The following CNTNAP5 variants were observed in gnomAD, a reference collection of about 807,000 sequenced individuals.
CNTNAP5 encodes the protein contactin associated protein family member 5.
Under a neutral mutation model 150.2 loss-of-function variants are expected in CNTNAP5, and 72 were observed. The observed-to-expected ratio is 0.48, with a 90% CI of 0.40 to 0.58. The LOEUF is 0.58. Among genes scored for constraint, CNTNAP5 ranks in the 20% least tolerant of loss-of-function variants. The pLI, the probability that CNTNAP5 is intolerant of heterozygous loss-of-function variation, is 0.00. For missense variants in CNTNAP5, 1,636 were observed against 1,626.2 expected (o/e 1.01, Z -0.10); for synonymous variants, 672 against 619.8 (o/e 1.08, Z -1.25).
chr2:124,617,777 C>A (rs938643399), intron 12 of CNTNAP5, among the ~76,000 whole-genome samples: 1 of 152,070 alleles, frequency 6.6e-6, no homozygotes, highest in African/African-American at 2.4e-5. Flanking sequence ...GACACAGCAG[C>A]AATTAACGTA....
intron 10 of CNTNAP5, among the ~76,000 whole-genome samples, chr2:124,546,120 A>G (rs1267668663): frequency 6.6e-6 from 1 of 152,054 alleles, no homozygotes; most frequent in African/African-American, 2.4e-5. Flanking sequence ...CCCCAGTTGG[A>G]TAAAAGACTG....
intron 18 of CNTNAP5, among the ~76,000 whole-genome samples, chr2:124,790,586 C>T (rs60326687): frequency 6.6e-6 from 1 of 152,152 alleles, no homozygotes; most frequent in Non-Finnish European, 1.5e-5. Flanking sequence ...TTAGTAAACA[C>T]AGTACCGTGT....
At chr2:124,554,547 A>T (rs1695708494) in intron 10 of CNTNAP5, among the ~76,000 whole-genome samples, 1 of 151,856 alleles carries the variant, frequency 6.6e-6, no homozygotes, top group African/African-American at 2.4e-5. Flanking sequence ...CAGCTTCTCA[A>T]GTAGCTAGGA....
At chr2:124,754,052 T>A (rs956026111) in intron 14 of CNTNAP5, among the ~76,000 whole-genome samples, 1 of 152,122 alleles carries the variant, frequency 6.6e-6, no homozygotes, top group African/African-American at 2.4e-5. Flanking sequence ...CTCCTAGTGG[T>A]GTCGAATTTT....
chr2:124,539,504 G>A (rs976254015), intron 10 of CNTNAP5, among the ~76,000 whole-genome samples: 1 of 152,202 alleles, frequency 6.6e-6, no homozygotes, highest in African/African-American at 2.4e-5. Flanking sequence ...GAAAGCCTGT[G>A]CTGTTCATAT....
At chr2:124,336,175 A>C (rs1356010829) in intron 3 of CNTNAP5, among the ~76,000 whole-genome samples, 1 of 152,130 alleles carries the variant, frequency 6.6e-6, no homozygotes, top group Non-Finnish European at 1.5e-5. Context: ...AGTACAGATA[A>C]TAGCTTGGAC....
chr2:124,357,660 A>G (rs1383216098), intron 3 of CNTNAP5, among the ~76,000 whole-genome samples: 17 of 139,882 alleles, frequency 1.2e-4, no homozygotes, highest in Admixed American at 9.3e-4. Context: ...TGTTCCATTG[A>G]TCTATATCTC....
At chr2:124,246,395 C>T (rs557990744) in intron 3 of CNTNAP5, among the ~76,000 whole-genome samples, 53 of 152,212 alleles carry the variant, frequency 3.5e-4, no homozygotes, top group African/African-American at 1.1e-3. Context: ...CAGAGTCCCT[C>T]GCTTCACTAA....
intron 2 of CNTNAP5, among the ~76,000 whole-genome samples, chr2:124,231,792 C>T (rs868529611): frequency 6.6e-6 from 1 of 152,012 alleles, no homozygotes; most frequent in Admixed American, 6.6e-5. Flanking sequence ...TTAACAGGAG[C>T]CTTGGGACCC....
At chr2:124,423,960 G>A (rs969910155) in intron 4 of CNTNAP5, among the ~76,000 whole-genome samples, 12 of 151,966 alleles carry the variant, frequency 7.9e-5, no homozygotes, top group African/African-American at 2.7e-4. Flanking sequence ...CACCGCGCCC[G>A]GCCCGGCTAA....
chr2:124,686,909 C>T lies in CNTNAP5; in HGVS notation c.2077+38951C>T, dbSNP rs964582481. 1.3e-5 allele frequency among the ~76,000 whole-genome samples: 2 copies of T among 152,124 alleles called. 1 individual carries two copies. Among genetic ancestry groups the T allele is most frequent in the Admixed American group, 1.3e-4 (2 of 15,258 alleles). ...AAAATCCCAAGTAAATTCTATAAAG[C>T]AGCACTGCCCAATAGAACTTCCTGA... is the stretch of plus-strand genomic sequence containing the variant. On this transcript the variant is annotated intron_variant, in intron 13 of 23. Coordinates refer to ENST00000682447, the MANE Select transcript of CNTNAP5 (RefSeq NM_001367498.1).
intron 11 of CNTNAP5, among the ~76,000 whole-genome samples, chr2:124,601,575 C>A (rs774909668): frequency 2.0e-5 from 3 of 152,170 alleles, no homozygotes; most frequent in South Asian, 2.1e-4. Flanking sequence ...ACAGCCTATA[C>A]GGAGCAAAGA....
intron 19 of CNTNAP5, among the ~76,000 whole-genome samples, chr2:124,857,368 G>A (rs1233372094): frequency 1.3e-5 from 2 of 152,150 alleles, no homozygotes; most frequent in Admixed American, 1.3e-4. Context: ...GTTCCAGGCA[G>A]TTGGTGGGAG....
intron 3 of CNTNAP5, among the ~76,000 whole-genome samples, chr2:124,284,346 A>AG (rs1404926548): frequency 6.6e-6 from 1 of 152,158 alleles, no homozygotes; most frequent in Non-Finnish European, 1.5e-5. Context: ...TGTACTTTTT[A>AG]GATGCTCAAT....
In CNTNAP5 at chr2:124,239,289, T is replaced by C. The variant is rs529641950; in HGVS notation, c.188-2911T>C. Among the ~76,000 whole-genome samples, 65 of 152,322 alleles carry C rather than the reference T, an allele frequency of 4.3e-4. 1 individual carries two copies. The highest frequency in any genetic ancestry group is 8.7e-4 in the Non-Finnish European group (59 of 68,020). ...TTTCTTGTCAATTTATTTCCTTGTTTCCATTCTTCATGTAAGTTCTTATCA... is the reference window on the plus strand; with the variant it reads ...TTTCTTGTCAATTTATTTCCTTGTTCCCATTCTTCATGTAAGTTCTTATCA... On this transcript the variant is annotated intron_variant, in intron 2 of 23. Coordinates refer to ENST00000682447, the MANE Select transcript of CNTNAP5 (RefSeq NM_001367498.1).
In CNTNAP5 at chr2:124,916,820, C is replaced by T. The variant is rs1573711441; in HGVS notation, c.*2532C>T. Among the ~76,000 whole-genome samples, 2 of 152,012 alleles carry T rather than the reference C, an allele frequency of 1.3e-5. No individual in the cohort carries two copies. Reference sequence around the variant, plus strand: ...AGATGCCAGGACAGTGCCGTCTACACGTCACTCCTATAAGTAGTCTCAGGG... The same window carrying T: ...AGATGCCAGGACAGTGCCGTCTACATGTCACTCCTATAAGTAGTCTCAGGG... On this transcript the variant is annotated 3_prime_UTR_variant, in exon 24 of 24. Coordinates refer to ENST00000682447, the MANE Select transcript of CNTNAP5 (RefSeq NM_001367498.1).
At chr2:124,834,071 C>G (rs1412705773) in intron 19 of CNTNAP5, among the ~76,000 whole-genome samples, 1 of 152,156 alleles carries the variant, frequency 6.6e-6, no homozygotes, top group Non-Finnish European at 1.5e-5. Context: ...TACTACATTC[C>G]AGGCACCATG....
At chr2:124,764,789 C>A (rs1421652587) in intron 16 of CNTNAP5, among the ~76,000 whole-genome samples, 1 of 152,046 alleles carries the variant, frequency 6.6e-6, no homozygotes, top group Non-Finnish European at 1.5e-5. Context: ...TGTATATAAT[C>A]ATACTAATGA....
intron 8 of CNTNAP5, among the ~76,000 whole-genome samples, chr2:124,517,786 T>C (rs906210947): frequency 2.7e-5 from 4 of 149,270 alleles, no homozygotes; most frequent in Non-Finnish European, 4.5e-5. Flanking sequence ...TGGAAGGTTG[T>C]GTTGTTGCTT....
Sources: gnomAD v4.1 joint callset for allele counts (sites outside exome capture counted in the v4.1 genomes callset) on GRCh38, gnomAD v4.1.1 for gene constraint, MANE v1.5 for transcripts, NCBI Gene and HGNC (gene_info 2026-07-23, HGNC 2026-07-21) for gene names.